RAB1A: variants seen among roughly 807,000 people sequenced by gnomAD.
RAB1A encodes RAB1A, member RAS oncogene family, also known as ras-related protein Rab-1A.
Under a neutral mutation model 26.0 loss-of-function variants are expected in RAB1A, and 2 were observed. That is an observed-to-expected ratio of 0.08 (90% confidence interval 0.03 to 0.24). The LOEUF is 0.24. Among genes scored for constraint, RAB1A ranks in the 10% least tolerant of loss-of-function variants. RAB1A has a pLI of 1.00. For missense variants in RAB1A, 100 were observed against 247.0 expected (o/e 0.40, Z 3.99); for synonymous variants, 84 against 84.9 (o/e 0.99, Z 0.06).
chr2:65,098,147 G>C, intron 2 of RAB1A, 81 bp from the exon 3 acceptor site: 1 of 754,810 alleles, frequency 1.3e-6, no homozygotes, highest in Admixed American at 3.7e-5. Flanking sequence ...AAAAACTGTT[G>C]TTCAAGAGTA....
chr2:65,126,140 G>A (rs1007072294), intron 1 of RAB1A, among the ~76,000 whole-genome samples: 47 of 151,808 alleles, frequency 3.1e-4, no homozygotes, highest in African/African-American at 1.1e-3. Flanking sequence ...CAACATTAGA[G>A]ATGGCTGGGT....
chr2:65,106,055 C>T (rs1159928711), intron 1 of RAB1A, among the ~76,000 whole-genome samples: 4 of 152,138 alleles, frequency 2.6e-5, no homozygotes, highest in Non-Finnish European at 2.9e-5. Context: ...CCACCGCACC[C>T]AGTGATAAAA....
intron 3 of RAB1A, among the ~76,000 whole-genome samples, chr2:65,095,231 C>T (rs532880926): frequency 6.6e-6 from 1 of 152,138 alleles, no homozygotes; most frequent in East Asian, 1.9e-4. Context: ...GATGAGGTTT[C>T]GCCATGTTGC....
chr2:65,096,308 G>A (rs1669282890), intron 3 of RAB1A, among the ~76,000 whole-genome samples: 1 of 152,100 alleles, frequency 6.6e-6, no homozygotes. Flanking sequence ...GAGCAATACT[G>A]TATCTCAAAA....
intron 2 of RAB1A, among the ~76,000 whole-genome samples, chr2:65,098,705 T>C (rs1201433035): frequency 6.6e-6 from 1 of 152,174 alleles, no homozygotes; most frequent in Non-Finnish European, 1.5e-5. Context: ...ATCTACTTTC[T>C]CTTTAGATTT....
intron 1 of RAB1A, among the ~76,000 whole-genome samples, 160 bp downstream of exon 1, chr2:65,129,733 A>T (rs1033672009): frequency 6.7e-6 from 1 of 149,764 alleles, no homozygotes; most frequent in East Asian, 2.0e-4. Context: ...CCTCCGCGTC[A>T]GACAATGGGG....
chr2:65,094,499 G>A (rs753570821), intron 3 of RAB1A, among the ~76,000 whole-genome samples: 7 of 151,460 alleles, frequency 4.6e-5, no homozygotes, highest in African/African-American at 1.2e-4. Context: ...CAGAAGAATC[G>A]CTTGAACCTG....
At chr2:65,100,261 C>A (rs756128515) in intron 2 of RAB1A, among the ~76,000 whole-genome samples, 4 of 150,666 alleles carry the variant, frequency 2.7e-5, no homozygotes, top group African/African-American at 9.8e-5. Flanking sequence ...ATTAGCTGGA[C>A]GTGGTGGCGG....
At chr2:65,107,074 G>A (rs978982071) in intron 1 of RAB1A, among the ~76,000 whole-genome samples, 1 of 151,394 alleles carries the variant, frequency 6.6e-6, no homozygotes, top group African/African-American at 2.4e-5. Context: ...TTTTTTGTTT[G>A]TTTGTTTTGA....
chr2:65,103,789 CTTT>C (rs35396412), intron 2 of RAB1A, among the ~76,000 whole-genome samples: 1 of 147,880 alleles, frequency 6.8e-6, no homozygotes, highest in Admixed American at 6.8e-5. Context: ...TATTTTTTTT[CTTT>C]TTTTTTTGAG....
At chr2:65,124,882 T>C (rs769812568) in intron 1 of RAB1A, among the ~76,000 whole-genome samples, 2 of 152,204 alleles carry the variant, frequency 1.3e-5, no homozygotes, top group African/African-American at 4.8e-5. Flanking sequence ...GATGGTGATA[T>C]TCTATAGACA....
chr2:65,097,854 T>C (rs1669327958), intron 3 of RAB1A, 117 bp downstream of exon 3: 1 of 553,124 alleles, frequency 1.8e-6, no homozygotes, highest in Non-Finnish European at 3.1e-6. Flanking sequence ...CTTAAGTACA[T>C]GAATCTTAAG....
At chr2:65,114,322 G>A (rs965617172) in intron 1 of RAB1A, among the ~76,000 whole-genome samples, 1 of 152,138 alleles carries the variant, frequency 6.6e-6, no homozygotes, top group Non-Finnish European at 1.5e-5. Context: ...GAACTATAGT[G>A]TATAATTGTA....
chr2:65,108,368 A>AAG (rs1553393532), intron 1 of RAB1A, among the ~76,000 whole-genome samples: 12 of 144,034 alleles, frequency 8.3e-5, no homozygotes, highest in Admixed American at 2.1e-4. Flanking sequence ...AAAAAAAAAA[A>AAG]AAAGAAAGAA....
intron 3 of RAB1A, among the ~76,000 whole-genome samples, chr2:65,091,530 CT>C (rs145464700): frequency 5.3e-5 from 8 of 152,046 alleles, no homozygotes; most frequent in Middle Eastern, 3.4e-3. Flanking sequence ...AAGCAGGTGT[CT>C]TTTTTTTCCC....
intron 1 of RAB1A, among the ~76,000 whole-genome samples, chr2:65,110,871 G>A (rs960081492): frequency 6.6e-6 from 1 of 152,092 alleles, no homozygotes; most frequent in African/African-American, 2.4e-5. Flanking sequence ...AGGAGTTTGA[G>A]GCTGCAGTGA....
chr2:65,117,515 A>G (rs1209978236), intron 1 of RAB1A, among the ~76,000 whole-genome samples: 1 of 152,120 alleles, frequency 6.6e-6, no homozygotes, highest in African/African-American at 2.4e-5. Context: ...ATGAATTCGT[A>G]AAGTAACTGA....
chr2:65,104,952 G>C (rs752819193), intron 1 of RAB1A, 146 bp from the exon 2 acceptor site: 1 of 769,716 alleles, frequency 1.3e-6, no homozygotes, highest in Non-Finnish European at 2.4e-6. Flanking sequence ...AGCCAAAACT[G>C]CAAACAGCCA....
intron 2 of RAB1A, among the ~76,000 whole-genome samples, chr2:65,100,685 T>C (rs1669403730): frequency 7.2e-6 from 1 of 139,430 alleles, no homozygotes; most frequent in Non-Finnish European, 1.5e-5. Context: ...CTTGAACCCA[T>C]GAGGTGGAGG....
Sources: gnomAD v4.1 joint callset for allele counts (sites outside exome capture counted in the v4.1 genomes callset) on GRCh38, gnomAD v4.1.1 for gene constraint, MANE v1.5 for transcripts, NCBI Gene and HGNC (gene_info 2026-07-23, HGNC 2026-07-21) for gene names.